The following PECR variants were observed in gnomAD, a reference collection of about 807,000 sequenced individuals.
PECR encodes 2,4-dienoyl-CoA reductase-related protein.
PECR carries 30 observed loss-of-function variants against 35.3 expected under a neutral mutation model. The ratio of observed to expected loss-of-function variants is 0.85; its 90% confidence interval spans 0.64 to 1.15. The LOEUF (loss-of-function observed/expected upper bound fraction) is 1.15. PECR is among the 50% of genes most tolerant of loss of function. The pLI, the probability that PECR is intolerant of heterozygous loss-of-function variation, is 0.00. For missense variants in PECR, 392 were observed against 370.8 expected (o/e 1.06, Z -0.47); for synonymous variants, 148 against 138.9 (o/e 1.07, Z -0.46).
At chr2:216,044,107 C>A (rs1351260550) in intron 6 of PECR, 92 bp from the exon 7 acceptor site, 12 of 719,956 alleles carry the variant, frequency 1.7e-5, no homozygotes, top group Non-Finnish European at 2.8e-5. Flanking sequence ...TCTCAAAGCC[C>A]ATGATTGTAA....
chr2:216,035,627 C>T (rs1490237285), downstream of PECR, among the ~76,000 whole-genome samples: 2 of 151,946 alleles, frequency 1.3e-5, no homozygotes, highest in Non-Finnish European at 2.9e-5. Flanking sequence ...GCTGGGACTA[C>T]AGACGCCCGC....
At chr2:216,043,013 A>ATATATACATACGTATATGTG (rs1694919383) in intron 7 of PECR, among the ~76,000 whole-genome samples, 1 of 147,158 alleles carries the variant, frequency 6.8e-6, no homozygotes, top group African/African-American at 2.5e-5. Flanking sequence ...GTGTATATAT[A>ATATATACATACGTATATGTG]TATACACATA....
chr2:216,063,007 A>G (rs1199192426), intron 3 of PECR, among the ~76,000 whole-genome samples: 1 of 152,220 alleles, frequency 6.6e-6, no homozygotes, highest in African/African-American at 2.4e-5. Context: ...ATTTCTCAGA[A>G]CAAATCCCTG....
At chr2:216,029,366 T>C (rs889337565) in intron 7 of PECR, among the ~76,000 whole-genome samples, 1 of 152,138 alleles carries the variant, frequency 6.6e-6, no homozygotes, top group Non-Finnish European at 1.5e-5. Context: ...TAGTCCCAGC[T>C]ACTCAGGAGG....
chr2:216,064,623 G>A (rs554812050), intron 3 of PECR, among the ~76,000 whole-genome samples: 1 of 152,248 alleles, frequency 6.6e-6, no homozygotes, highest in East Asian at 1.9e-4. Flanking sequence ...GTTGTTTCTG[G>A]GTTTTTCCAC....
downstream of PECR, among the ~76,000 whole-genome samples, chr2:216,038,008 C>G (rs1340369287): frequency 7.6e-6 from 1 of 131,628 alleles, no homozygotes; most frequent in Non-Finnish European, 1.6e-5. Flanking sequence ...TCACTTGAAC[C>G]CAGGAGGTGG....
In PECR at chr2:216,031,011, T is replaced by A. The variant is rs574294989; in HGVS notation, c.*440+8180A>T. Among the ~76,000 whole-genome samples the A allele has an allele frequency of 2.0e-5, 3 of 151,778 alleles. No homozygotes were observed. In the East Asian group the frequency reaches 5.8e-4, roughly 29 times the overall value. ...ACACACACACTCTGTCCCTGCTCTC[T>A]CTCTCTCATTTGCTTGCTCATCAAA... On this transcript the variant is annotated intron_variant and NMD_transcript_variant, in intron 7 of 7. Transcript: ENST00000442122.
Position 216,065,471 on chromosome 2 carries a change from T to C in PECR, c.265A>G (p.Asn89Asp). The change falls in exon 3 of 8, where the codon AAT (asparagine) becomes GAT (aspartate). Residue 89 changes from asparagine (N) to aspartate (D), a missense_variant. Physicochemically the swap from Asn to Asp is conservative, Grantham distance 23. Transcript: ENST00000265322. The stretch of plus-strand genomic sequence containing the variant: ...GTATCTAAGGTAGATTTGACCAAAT[T>C]ATTCACCTAAAGAAGAACAGTAGAA... ...CNIRNEEEVN[N>D]LVKSTLDTFG... The C allele has an allele frequency of 1.3e-6, 2 of 1,590,684 alleles. No individual in the cohort carries two copies. The highest frequency in any genetic ancestry group is 1.7e-6 in the Non-Finnish European group (2 of 1,158,662).
intron 1 of PECR, among the ~76,000 whole-genome samples, chr2:216,078,949 A>G (rs914954488): frequency 6.6e-6 from 1 of 152,250 alleles, no homozygotes; most frequent in African/African-American, 2.4e-5. Context: ...CAAATACATA[A>G]AAATCTATTA....
intron 3 of PECR, among the ~76,000 whole-genome samples, chr2:216,062,791 C>G (rs1427968518): frequency 1.3e-5 from 2 of 152,110 alleles, no homozygotes; most frequent in African/African-American, 4.8e-5. Context: ...TAACAGTGGT[C>G]CCATAAGATT....
intron 6 of PECR, among the ~76,000 whole-genome samples, chr2:216,044,701 A>C (rs1694958489): frequency 6.6e-6 from 1 of 152,080 alleles, no homozygotes; most frequent in Non-Finnish European, 1.5e-5. Context: ...ATTTCAAAAA[A>C]ATAAAAATAA....
rs189336027 is a variant in PECR at position 216,079,657 on chromosome 2, G to A, written c.124+1961C>T. On this transcript the variant is annotated intron_variant, in intron 1 of 7. Transcript: ENST00000265322. The stretch of plus-strand genomic sequence containing the variant: ...GCTGGGATTACAGGCATGAGCCACC[G>A]TGCCCGGCCCTGCATGTATATATTT... Among the ~76,000 whole-genome samples, 172 of 148,376 alleles carry A rather than the reference G, an allele frequency of 1.2e-3. 3 individuals carry two copies. The East Asian group carries it at 0.022, about 19-fold the overall frequency.
rs557393330 is a variant in PECR at position 216,081,614 on chromosome 2, G to A, written c.124+4C>T. ...CTCTCTGCACCAGCGGCCCGCTCAC[G>A]TACCCAGCTCCAGGAGCTCCTTCAC... On this transcript the variant is annotated splice_donor_region_variant and intron_variant, in intron 1 of 7. Transcript: ENST00000265322. 2.5e-6 allele frequency: 4 copies of A among 1,613,648 alleles called. No individual in the cohort carries two copies. Among genetic ancestry groups the A allele is most frequent in the East Asian group, 2.2e-5 (1 of 44,876 alleles).
chr2:216,059,509 G>C (rs954528630), intron 3 of PECR, among the ~76,000 whole-genome samples: 18 of 152,250 alleles, frequency 1.2e-4, no homozygotes, highest in African/African-American at 4.3e-4. Context: ...TAAACATTTG[G>C]ATAGTTCCAC....
chr2:216,062,001 G>A (rs1695364519), intron 3 of PECR, among the ~76,000 whole-genome samples: 2 of 151,526 alleles, frequency 1.3e-5, no homozygotes, highest in Non-Finnish European at 2.9e-5. Context: ...TGTAGAGAGG[G>A]AGAGAGAGAG....
chr2:216,051,258 C>T (rs1221553608), intron 5 of PECR, among the ~76,000 whole-genome samples, 191 bp downstream of exon 5: 1 of 137,060 alleles, frequency 7.3e-6, no homozygotes, highest in Non-Finnish European at 1.5e-5. Flanking sequence ...TGCACTCCGG[C>T]CTGGGCGACA....
chr2:216,054,847 T>A (rs889495168), intron 4 of PECR, among the ~76,000 whole-genome samples: 5 of 150,710 alleles, frequency 3.3e-5, no homozygotes, highest in Non-Finnish European at 7.4e-5. Flanking sequence ...GCGTGGTGGC[T>A]CACGCCTGTA....
chr2:216,064,732 T>C (rs1695429349), intron 3 of PECR, among the ~76,000 whole-genome samples: 1 of 152,174 alleles, frequency 6.6e-6, no homozygotes, highest in Non-Finnish European at 1.5e-5. Flanking sequence ...ACTAAGAATA[T>C]AAAGCCTAAT....
intron 1 of PECR, among the ~76,000 whole-genome samples, chr2:216,069,911 G>C (rs1695553202): frequency 6.7e-6 from 1 of 149,226 alleles, no homozygotes. Flanking sequence ...ACCCCAGCCT[G>C]GGTGACAAGA....
Sources: gnomAD v4.1 joint callset for allele counts (sites outside exome capture counted in the v4.1 genomes callset) on GRCh38, gnomAD v4.1.1 for gene constraint, MANE v1.5 for transcripts, NCBI Gene and HGNC (gene_info 2026-07-23, HGNC 2026-07-21) for gene names.